Variants in SPIRE1 observed in about 807,000 individuals in gnomAD.
The protein encoded by SPIRE1 is protein spire homolog 1.
In SPIRE1, 40 loss-of-function variants were observed where a neutral mutation model predicts 94.1. That is an observed-to-expected ratio of 0.43 (90% CI 0.33 to 0.55). The LOEUF is 0.55. SPIRE1 is among the 20% of genes least tolerant of loss of function. SPIRE1 has a pLI of 0.06. For synonymous variants in SPIRE1, 376 were observed against 371.7 expected, an observed-to-expected ratio of 1.01 and a Z score of -0.13; for missense variants, 838 against 975.2, an observed-to-expected ratio of 0.86 and a Z score of 1.87.
At chr18:12,617,165 T>G (rs998156537) in intron 2 of SPIRE1, among the ~76,000 whole-genome samples, 5 of 148,534 alleles carry the variant, frequency 3.4e-5, no homozygotes, top group African/African-American at 1.2e-4. Flanking sequence ...CACTATTTTT[T>G]TTTTTTTTTT....
intron 10 of SPIRE1, among the ~76,000 whole-genome samples, chr18:12,465,723 TG>T (rs1453877624): frequency 6.6e-6 from 1 of 152,132 alleles, no homozygotes; most frequent in Non-Finnish European, 1.5e-5. Flanking sequence ...TAGTAAGTAA[TG>T]AGTGTTTGTT....
intron 12 of SPIRE1, among the ~76,000 whole-genome samples, chr18:12,454,747 T>C (rs2031425994): frequency 6.6e-6 from 1 of 152,216 alleles, no homozygotes; most frequent in Non-Finnish European, 1.5e-5. Flanking sequence ...CTCAGGTATT[T>C]TGACTCAAGT....
At chr18:12,509,623 T>A (rs1308960736) in intron 5 of SPIRE1, among the ~76,000 whole-genome samples, 1 of 152,140 alleles carries the variant, frequency 6.6e-6, no homozygotes, top group Non-Finnish European at 1.5e-5. Flanking sequence ...ATCAATAAAT[T>A]AAGAATATTG....
intron 4 of SPIRE1, among the ~76,000 whole-genome samples, chr18:12,531,414 C>A (rs1031814313): frequency 6.6e-6 from 1 of 152,202 alleles, no homozygotes; most frequent in Non-Finnish European, 1.5e-5. Context: ...CCTCCATTTT[C>A]TTCAGAACTC....
chr18:12,519,982 T>G (rs2034313469), intron 4 of SPIRE1, among the ~76,000 whole-genome samples: 2 of 152,154 alleles, frequency 1.3e-5, no homozygotes, highest in South Asian at 4.1e-4. Context: ...AGGTTAAAAA[T>G]TATCCATGAC....
At chr18:12,545,561 G>A (rs2035138022) in intron 3 of SPIRE1, among the ~76,000 whole-genome samples, 1 of 152,144 alleles carries the variant, frequency 6.6e-6, no homozygotes, top group Non-Finnish European at 1.5e-5. Context: ...AAAACAGAAT[G>A]CTTTTATGGC....
At chr18:12,529,124 C>T (rs1398133542) in intron 4 of SPIRE1, among the ~76,000 whole-genome samples, 1 of 152,204 alleles carries the variant, frequency 6.6e-6, no homozygotes, top group Non-Finnish European at 1.5e-5. Flanking sequence ...AATCCCAGCA[C>T]TTTGGGAGGC....
intron 2 of SPIRE1, among the ~76,000 whole-genome samples, chr18:12,562,687 T>A (rs907592141): frequency 4.9e-5 from 6 of 122,308 alleles, no homozygotes; most frequent in South Asian, 2.9e-4. Flanking sequence ...TTTAAAAAAA[T>A]TTTGTAGAGA....
intron 2 of SPIRE1, among the ~76,000 whole-genome samples, chr18:12,631,733 C>T (rs958918069): frequency 1.3e-5 from 2 of 152,050 alleles, no homozygotes; most frequent in Admixed American, 6.5e-5. Flanking sequence ...GGCATCATGG[C>T]GCACGCCTGT....
chr18:12,602,127 TAC>T (rs2036851166), intron 2 of SPIRE1, among the ~76,000 whole-genome samples: 1 of 152,120 alleles, frequency 6.6e-6, no homozygotes, highest in Admixed American at 6.5e-5. Flanking sequence ...TATAGACATA[TAC>T]ACACACACAT....
At chr18:12,627,196 A>G (rs1252956456) in intron 2 of SPIRE1, among the ~76,000 whole-genome samples, 2 of 151,894 alleles carry the variant, frequency 1.3e-5, no homozygotes, top group Non-Finnish European at 2.9e-5. Flanking sequence ...ATTTCTCCTA[A>G]TGCTATCCCT....
intron 2 of SPIRE1, among the ~76,000 whole-genome samples, chr18:12,608,799 A>C (rs367882859): frequency 8.5e-5 from 13 of 152,212 alleles, no homozygotes; most frequent in South Asian, 2.1e-4. Flanking sequence ...TTACAACAAC[A>C]ACCCAAGGAA....
intron 4 of SPIRE1, among the ~76,000 whole-genome samples, chr18:12,514,085 T>C (rs1419994074): frequency 6.6e-6 from 1 of 151,702 alleles, no homozygotes; most frequent in Non-Finnish European, 1.5e-5. Context: ...TGCGATCCCC[T>C]TGCCTCAGCC....
intron 2 of SPIRE1, among the ~76,000 whole-genome samples, chr18:12,588,794 C>G (rs995497630): frequency 6.6e-6 from 1 of 152,034 alleles, no homozygotes; most frequent in African/African-American, 2.4e-5. Flanking sequence ...TTTTTAACTT[C>G]AGGGTTCTTT....
At chr18:12,543,297 C>T (rs1041445407) in intron 3 of SPIRE1, among the ~76,000 whole-genome samples, 1 of 151,948 alleles carries the variant, frequency 6.6e-6, no homozygotes, top group South Asian at 2.1e-4. Context: ...CTTAAAGAAA[C>T]AAAACAAAAA....
intron 10 of SPIRE1, among the ~76,000 whole-genome samples, chr18:12,466,801 C>A (rs2032122995): frequency 6.6e-6 from 1 of 152,070 alleles, no homozygotes; most frequent in African/African-American, 2.4e-5. Context: ...TTGCTGTACC[C>A]ATCAACCCAT....
chr18:12,582,867 G>T (rs2144543099), intron 2 of SPIRE1, among the ~76,000 whole-genome samples: 1 of 152,284 alleles, frequency 6.6e-6, no homozygotes, highest in East Asian at 1.9e-4. Context: ...GCCTGATGCT[G>T]GGGGTGTACT....
chr18:12,514,714 G>A (rs1374236849), intron 4 of SPIRE1, among the ~76,000 whole-genome samples: 1 of 152,062 alleles, frequency 6.6e-6, no homozygotes, highest in Non-Finnish European at 1.5e-5. Context: ...GTTGGGGAGC[G>A]GTATCTTATC....
chr18:12,603,114 G>A (rs1208026811), intron 2 of SPIRE1, among the ~76,000 whole-genome samples: 2 of 152,078 alleles, frequency 1.3e-5, no homozygotes, highest in African/African-American at 2.4e-5. Flanking sequence ...CCCATGGTTG[G>A]GCAAAATCAT....
Sources: gnomAD v4.1 joint callset for allele counts (sites outside exome capture counted in the v4.1 genomes callset) on GRCh38, gnomAD v4.1.1 for gene constraint, MANE v1.5 for transcripts, NCBI Gene and HGNC (gene_info 2026-07-23, HGNC 2026-07-21) for gene names.